The following CLTCL1 variants were observed in gnomAD, a reference collection of about 807,000 sequenced individuals.
The protein encoded by CLTCL1 is clathrin heavy chain like 1, also known as clathrin heavy chain 2.
CLTCL1 carries 159 observed loss-of-function variants against 190.0 expected under a neutral mutation model. The ratio of observed to expected loss-of-function variants is 0.84; its 90% CI spans 0.74 to 0.95. The LOEUF (loss-of-function observed/expected upper bound fraction) is 0.95, where lower values mean the gene tolerates loss of function less well. Ranked by LOEUF, CLTCL1 falls within the 40% of genes least tolerant of loss-of-function variation. The probability of loss-of-function intolerance (pLI) is 0.00; values close to 1 mark genes in which losing one functional copy is unlikely to be tolerated. For synonymous variants in CLTCL1, 752 were observed against 769.6 expected (o/e 0.98, Z 0.38); for missense variants, 1,878 against 2,033.4 (o/e 0.92, Z 1.47).
chr22:19,226,957 C>T (rs903822013), intron 11 of CLTCL1, among the ~76,000 whole-genome samples: 1 of 151,920 alleles, frequency 6.6e-6, no homozygotes, highest in Non-Finnish European at 1.5e-5. Context: ...AGGCTGGTCT[C>T]GAACTCCTGA....
rs782560925 is a variant in CLTCL1 at position 19,233,336 on chromosome 22, A to G, written c.1369-18T>C. The G allele has an allele frequency of 1.8e-5, 29 of 1,611,132 alleles. No homozygotes were observed. Among genetic ancestry groups the G allele is most frequent in the Non-Finnish European group, 2.4e-5 (28 of 1,177,520 alleles). On this transcript the variant is annotated intron_variant, in intron 8 of 32. Coordinates refer to ENST00000427926, the MANE Select transcript of CLTCL1 (RefSeq NM_007098.4). ...CACTCCAGCTGTGGTATGCCAAGGG[A>G]CAAGGCAAAGTTAGGAGGCAGGTAG...
intron 2 of CLTCL1, among the ~76,000 whole-genome samples, chr22:19,273,529 C>A (rs562499464): frequency 6.6e-6 from 1 of 152,242 alleles, no homozygotes; most frequent in Admixed American, 6.5e-5. Context: ...ACACCAGCCT[C>A]AGGCAAGGGC....
In CLTCL1 at chr22:19,239,353, T is replaced by C. The variant is rs1198684074; in HGVS notation, c.717A>G (p.Gly239=). The C allele has an allele frequency of 1.2e-6, 2 of 1,614,034 alleles. No homozygotes were observed. Among genetic ancestry groups the C allele is most frequent in the Non-Finnish European group, 1.7e-6 (2 of 1,179,890 alleles). The change falls in exon 5 of 33, where the codon GGA becomes GGG. Residue 239 remains glycine, a synonymous_variant. Transcript: ENST00000427926. ...CTGCTTTCTTTACAAAAGGTTGGTT[T>C]CCCGCTGCAGGCTGTCCAACTTCAA... ...HIIEVGQPAA[G]NQPFVKKAVD...
intron 19 of CLTCL1, among the ~76,000 whole-genome samples, chr22:19,215,534 G>T (rs555473420): frequency 6.6e-6 from 1 of 152,062 alleles, no homozygotes; most frequent in Non-Finnish European, 1.5e-5. Context: ...GGTCCATGCC[G>T]AAACACACAC....
chr22:19,248,667 C>A (rs1219154971), intron 3 of CLTCL1, among the ~76,000 whole-genome samples: 3 of 152,164 alleles, frequency 2.0e-5, no homozygotes, highest in Non-Finnish European at 2.9e-5. Flanking sequence ...AGTATGTGGT[C>A]TTTTGTGACT....
At position 19,278,450 on chromosome 22, in the gene CLTCL1, G is replaced by C. The variant is rs574634198; in HGVS notation, c.43-2620C>G. 3.9e-5 allele frequency among the ~76,000 whole-genome samples: 6 copies of C among 152,192 alleles called. No homozygotes were observed. In the South Asian group the frequency reaches 8.3e-4, roughly 21 times the overall value. On this transcript the variant is annotated intron_variant, in intron 1 of 32. Transcript: ENST00000427926. ...GGACACACCAAGGCTTAGAAGGCAG[G>C]CAGAAGAGCAGCCCATGAAGATGGA...
intron 1 of CLTCL1, among the ~76,000 whole-genome samples, chr22:19,277,303 C>A (rs1242405138): frequency 6.6e-6 from 1 of 152,170 alleles, no homozygotes; most frequent in African/African-American, 2.4e-5. Context: ...GCATCTCACA[C>A]ACACTTTACA....
At chr22:19,275,927 A>C in intron 1 of CLTCL1, 97 bp from the exon 2 acceptor site, 1 of 1,026,330 alleles carries the variant, frequency 9.7e-7, no homozygotes. Flanking sequence ...AAATTTAGAA[A>C]AAAGTTAACA....
intron 20 of CLTCL1, 98 bp downstream of exon 20, chr22:19,210,228 G>C: frequency 7.7e-6 from 9 of 1,176,038 alleles, no homozygotes; most frequent in Non-Finnish European, 9.7e-6. Context: ...TGGACAACCA[G>C]AGGGTCTGAC....
At chr22:19,188,549 G>C (rs2084388193) in intron 27 of CLTCL1, among the ~76,000 whole-genome samples, 1 of 151,962 alleles carries the variant, frequency 6.6e-6, no homozygotes, top group African/African-American at 2.4e-5. Context: ...CCTCAATGTT[G>C]ATGGCTGCTG....
At chr22:19,245,263 G>A (rs910211899) in intron 3 of CLTCL1, among the ~76,000 whole-genome samples, 2 of 144,268 alleles carry the variant, frequency 1.4e-5, no homozygotes, top group Admixed American at 7.4e-5. Context: ...GCGTGACCTC[G>A]GCTCACCACA....
intron 2 of CLTCL1, among the ~76,000 whole-genome samples, chr22:19,272,677 G>A (rs930756980): frequency 1.3e-5 from 2 of 152,202 alleles, no homozygotes; most frequent in Non-Finnish European, 2.9e-5. Context: ...CTCCACGTTC[G>A]TCAGGCTGGT....
intron 24 of CLTCL1, among the ~76,000 whole-genome samples, chr22:19,199,015 A>C (rs959004006): frequency 6.6e-6 from 1 of 152,094 alleles, no homozygotes. Context: ...CACCCAGCTA[A>C]TATCTGGACA....
intron 3 of CLTCL1, among the ~76,000 whole-genome samples, chr22:19,251,670 A>C (rs538330697): frequency 4.3e-4 from 65 of 152,202 alleles, no homozygotes; most frequent in Non-Finnish European, 8.4e-4. Context: ...GTTAGCCAGG[A>C]TGGTCTCAAT....
intron 18 of CLTCL1, among the ~76,000 whole-genome samples, chr22:19,216,960 C>A (rs1297194329): frequency 1.3e-5 from 2 of 152,120 alleles, no homozygotes; most frequent in African/African-American, 4.8e-5. Flanking sequence ...GGGCAACAGC[C>A]GTGTATCAAT....
chr22:19,270,726 C>CAAAA (rs35877753), intron 2 of CLTCL1, among the ~76,000 whole-genome samples: 2 of 78,798 alleles, frequency 2.5e-5, no homozygotes, highest in African/African-American at 5.1e-5. Flanking sequence ...GACTCCAACT[C>CAAAA]AAAAAAAAAA....
chr22:19,238,602 C>T (rs1555963415), intron 5 of CLTCL1: 1 of 208,312 alleles, frequency 4.8e-6, no homozygotes, highest in Admixed American at 4.4e-5. Flanking sequence ...CTTCAGGTCT[C>T]ATAGCACGAA....
chr22:19,183,833 G>A (rs758226784), intron 29 of CLTCL1: 25 of 563,098 alleles, frequency 4.4e-5, no homozygotes, highest in South Asian at 1.6e-4. Context: ...GGTGGCTCAC[G>A]GAGGCGCAGG....
intron 2 of CLTCL1, among the ~76,000 whole-genome samples, chr22:19,256,401 G>T (rs1330936403): frequency 1.3e-4 from 16 of 127,710 alleles, no homozygotes; most frequent in African/African-American, 4.7e-4. Flanking sequence ...CTGTTGCCCA[G>T]GCTGGAGTGC....
Sources: gnomAD v4.1 joint callset for allele counts (sites outside exome capture counted in the v4.1 genomes callset) on GRCh38, gnomAD v4.1.1 for gene constraint, MANE v1.5 for transcripts, NCBI Gene and HGNC (gene_info 2026-07-23, HGNC 2026-07-21) for gene names.